The following NEMF variants were observed in gnomAD, a reference collection of about 807,000 sequenced individuals.
The protein encoded by NEMF is nuclear export mediator factor.
In NEMF, 89 loss-of-function variants were observed where a neutral mutation model predicts 162.2. The ratio of observed to expected loss-of-function variants is 0.55; its 90% CI spans 0.46 to 0.65. NEMF has a LOEUF of 0.65. Among genes scored for constraint, NEMF ranks in the 30% least tolerant of loss-of-function variants. NEMF has a pLI of 0.00. For synonymous variants in NEMF, 421 were observed against 404.5 expected (o/e 1.04, Z -0.49); for missense variants, 1,133 against 1,261.9 (o/e 0.90, Z 1.55).
intron 28 of NEMF, 122 bp from the exon 29 acceptor site, chr14:49,786,872 T>C (rs897348686): frequency 5.5e-5 from 45 of 824,538 alleles, no homozygotes; most frequent in Non-Finnish European, 8.3e-5. Flanking sequence ...ACCCACAGGA[T>C]AGGGGGCCTC....
rs377083463 is a variant in NEMF, at chr14:49,785,275, C to A, written c.2974G>T (p.Val992Leu). Residue 992 changes from valine to leucine, a missense_variant, in exon 30 of 33, where the codon GTA (valine) becomes TTA (leucine). Physicochemically the swap from Val to Leu is conservative, Grantham distance 32. This residue lies in a region of NEMF where 532 missense variants were observed against 578.6 expected (regional missense o/e 0.92). Coordinates refer to ENST00000298310, the MANE Select transcript of NEMF (RefSeq NM_004713.6). ...CATATTGGAATGGCAAACAGTAGTA[C>A]ATCTTCAGGATGTGGCTGGCCTGTC... ...SLTGQPHPED[V>L]LLFAIPICAP... is the part of the protein sequence containing the mutation. 29 of 1,613,870 alleles carry A rather than the reference C, an allele frequency of 1.8e-5. No individual in the cohort carries two copies. Among genetic ancestry groups the A allele is most frequent in the Non-Finnish European group, 2.5e-5 (29 of 1,179,938 alleles).
At chr14:49,800,864 G>T in intron 22 of NEMF, 168 bp from the exon 23 acceptor site, 1 of 616,086 alleles carries the variant, frequency 1.6e-6, no homozygotes, top group Non-Finnish European at 2.8e-6. Context: ...AGAATAACCT[G>T]TATCATGAAT....
Position 49,806,030 on chromosome 14 carries a change from G to T in NEMF, c.1848C>A (p.Tyr616Ter). Reference sequence around the variant, plus strand: ...CAAGAGCCCTTATTACCTGATGATGGTACACCCACCAAGCACTAGTGATAA... The same window carrying T: ...CAAGAGCCCTTATTACCTGATGATGTTACACCCACCAAGCACTAGTGATAA... ...ARVITSAWWVYHHQVSKTAPT... is the reference protein window; with the variant it reads ...ARVITSAWWV The change falls in exon 19 of 33, where the codon TAC becomes TAA. Residue 616 changes from tyrosine (Y) to a stop codon, truncating the protein, a stop_gained. Transcript: ENST00000298310. LOFTEE classifies it high-confidence loss of function. 1 of 1,606,828 alleles carries T rather than the reference G, an allele frequency of 6.2e-7. No homozygotes were observed. The highest frequency in any genetic ancestry group is 8.5e-7 in the Non-Finnish European group (1 of 1,175,590).
intron 16 of NEMF, among the ~76,000 whole-genome samples, chr14:49,823,099 G>A (rs958084192): frequency 6.6e-6 from 1 of 151,904 alleles, no homozygotes; most frequent in African/African-American, 2.4e-5. Context: ...ACCACACTCA[G>A]CTAATTTTTT....
At chr14:49,820,570 A>G in intron 16 of NEMF, 1 of 450,792 alleles carries the variant, frequency 2.2e-6, no homozygotes, top group Non-Finnish European at 4.5e-6. Context: ...GGAGTTCGAG[A>G]CTAGCCTGGC....
At chr14:49,851,741 T>A (rs1257190273) in intron 2 of NEMF, 66 bp downstream of exon 2, 1 of 1,471,720 alleles carries the variant, frequency 6.8e-7, no homozygotes, top group Non-Finnish European at 9.4e-7. Flanking sequence ...AAAATGTAGG[T>A]TAAAAAAAAT....
At chr14:49,803,443 G>A in intron 19 of NEMF, 149 bp from the exon 20 acceptor site, 1 of 513,948 alleles carries the variant, frequency 1.9e-6, no homozygotes, top group Admixed American at 3.5e-5. Context: ...AATACTAAAG[G>A]GAAAGATACC....
Position 49,782,339 on chromosome 14 carries a change from G to T in NEMF, c.*2297C>A. Reference sequence around the variant, plus strand: ...AAAATGGCCAACTGGTGTTCTGGGTGGCTTCAAACTCGTTTTTGTTTTAAA... The same window carrying T: ...AAAATGGCCAACTGGTGTTCTGGGTTGCTTCAAACTCGTTTTTGTTTTAAA... On this transcript the variant is annotated 3_prime_UTR_variant, in exon 33 of 33. Coordinates refer to ENST00000298310, the MANE Select transcript of NEMF (RefSeq NM_004713.6). The T allele has an allele frequency of 6.7e-7, 1 of 1,492,674 alleles. No homozygotes were observed. Among genetic ancestry groups the T allele is most frequent in the South Asian group, 1.2e-5 (1 of 85,598 alleles). The allele number at this position is 1,492,674 out of a possible 1,614,324, so 92.5% of individuals were successfully genotyped here. A position where few individuals can be genotyped will look rare whatever the true frequency, so the allele number is the denominator to read the frequency against.
At chr14:49,788,216 T>C (rs564741061) in intron 28 of NEMF, among the ~76,000 whole-genome samples, 1 of 134,918 alleles carries the variant, frequency 7.4e-6, no homozygotes, top group African/African-American at 2.8e-5. Context: ...GAGGTGGAGG[T>C]TGCAGTGAGC....
rs145795502 is a variant in NEMF at position 49,784,892 on chromosome 14, T to TC, written c.3153+32dup. ...CTAACATTTTAAATTGTACTGTCAGTCTCCACATTCCTTTTCTGAAGGAGA... is the reference window on the plus strand; with the variant it reads ...CTAACATTTTAAATTGTACTGTCAGTCCTCCACATTCCTTTTCTGAAGGAGA... On this transcript the variant is annotated intron_variant, in intron 32 of 32. Transcript: ENST00000298310. 191 of 1,557,900 alleles carry TC rather than the reference T, an allele frequency of 1.2e-4. No homozygotes were observed. In the African/African-American group the frequency reaches 2.4e-3, roughly 20 times the overall value.
At chr14:49,819,731 G>C (rs1891901304) in intron 16 of NEMF, among the ~76,000 whole-genome samples, 1 of 151,938 alleles carries the variant, frequency 6.6e-6, no homozygotes, top group Non-Finnish European at 1.5e-5. Context: ...TGTCTTTATA[G>C]AAACATTGTG....
chr14:49,837,862 T>C (rs1040451055), intron 6 of NEMF, among the ~76,000 whole-genome samples: 1 of 151,272 alleles, frequency 6.6e-6, no homozygotes, highest in Non-Finnish European at 1.5e-5. Flanking sequence ...AAGTGGTTAT[T>C]AAATCAAAGA....
intron 6 of NEMF, among the ~76,000 whole-genome samples, chr14:49,836,170 G>T (rs1317286262): frequency 6.6e-6 from 1 of 152,098 alleles, no homozygotes; most frequent in Non-Finnish European, 1.5e-5. Flanking sequence ...TCCCAGCTAC[G>T]TGGGAGGCTG....
rs1380479025 is a variant in NEMF at position 49,795,883 on chromosome 14, C to T, written c.2527G>A (p.Asp843Asn). 1.2e-6 allele frequency: 2 copies of T among 1,613,008 alleles called. No individual in the cohort carries two copies. Among genetic ancestry groups the T allele is most frequent in the Admixed American group, 1.7e-5 (1 of 59,824 alleles). Residue 843 changes from aspartate to asparagine, a missense_variant, in exon 26 of 33, where the codon GAT (aspartate) becomes AAT (asparagine). By Grantham distance (23) the Asp-to-Asn change is conservative. This residue lies in a region of NEMF where 532 missense variants were observed against 578.6 expected (regional missense o/e 0.92). Transcript: ENST00000298310. ...TGTACAGTACTTTCTTTTTCTTTAT[C>T]CTTTCCCTCTAACGCTTCTAAATCT... is the stretch of plus-strand genomic sequence containing the variant. Reference protein sequence around the residue: ...SGDLEALEGKDKEKESTVHIE... With the variant: ...SGDLEALEGKNKEKESTVHIE...
At chr14:49,792,662 T>C (rs1351851192) in intron 26 of NEMF, among the ~76,000 whole-genome samples, 2 of 152,180 alleles carry the variant, frequency 1.3e-5, no homozygotes, top group African/African-American at 4.8e-5. Flanking sequence ...TCTCAACTAA[T>C]ATACCATACT....
At position 49,785,153 on chromosome 14, in the gene NEMF, A is replaced by G; in HGVS notation, c.3030-18T>C. The G allele has an allele frequency of 2.5e-6, 4 of 1,600,956 alleles. No individual in the cohort carries two copies. The highest frequency in any genetic ancestry group is 2.6e-6 in the Non-Finnish European group (3 of 1,168,134). On this transcript the variant is annotated intron_variant, in intron 30 of 32. Transcript: ENST00000298310. ...CTTTATATCTTTAAAAAGGAATTAC[A>G]TGTGTTACTAAATAGACGTTACAAA...
At chr14:49,852,574 G>A (rs900211198) in intron 1 of NEMF, 121 bp downstream of exon 1, 2 of 1,072,764 alleles carry the variant, frequency 1.9e-6, no homozygotes, top group African/African-American at 1.6e-5. Flanking sequence ...TCAGGCCTAG[G>A]CAGGTCCATA....
At chr14:49,792,208 C>T (rs550434190) in intron 26 of NEMF, among the ~76,000 whole-genome samples, 2 of 152,112 alleles carry the variant, frequency 1.3e-5, no homozygotes, top group African/African-American at 4.8e-5. Flanking sequence ...AAATGCTATC[C>T]AATTTCAAGG....
chr14:49,844,140 C>T lies in NEMF; in HGVS notation c.357+2000G>A, dbSNP rs566716788. On this transcript the variant is annotated intron_variant, in intron 4 of 32. Transcript: ENST00000298310. ...AACAAAACAAAAAAAAAACCGCAGT[C>T]CCCAGCCTTTGGCACCAGGGACCAG... Among the ~76,000 whole-genome samples, 3 of 151,692 alleles carry T rather than the reference C, an allele frequency of 2.0e-5. No homozygotes were observed. The East Asian group carries it at 5.8e-4, about 29-fold the overall frequency.
Sources: gnomAD v4.1 joint callset for allele counts (sites outside exome capture counted in the v4.1 genomes callset) on GRCh38, gnomAD v4.1.1 for gene constraint, gnomAD v4.1.1 regional missense constraint, MANE v1.5 for transcripts, NCBI Gene and HGNC (gene_info 2026-07-23, HGNC 2026-07-21) for gene names.